Variants in CSF2 observed in about 807,000 individuals in gnomAD.
CSF2 encodes colony stimulating factor 2, also known as granulocyte-macrophage colony-stimulating factor.
A neutral mutation model predicts 13.5 loss-of-function variants in CSF2; 2 were observed. That is an observed-to-expected ratio of 0.15 (90% CI 0.06 to 0.47). The LOEUF (loss-of-function observed/expected upper bound fraction) is 0.47. Ranked by LOEUF, CSF2 falls within the 20% of genes least tolerant of loss-of-function variation. The pLI is 0.97. For missense variants in CSF2, 141 were observed against 179.7 expected, an observed-to-expected ratio of 0.78 and a Z score of 1.23; for synonymous variants, 66 against 69.2, an observed-to-expected ratio of 0.95 and a Z score of 0.23.
Position 132,075,750 on chromosome 5 carries a change from T to C in CSF2, c.333T>C (p.Thr111=). The change falls in exon 4 of 4, where the codon ACT becomes ACC. Residue 111 remains threonine (T), a synonymous_variant. Transcript: ENST00000296871. ...YKQHCPPTPE[T]SCATQIITFE... ...TTATTTTTCTTTTTTTAAAGGAAACTTCCTGTGCAACCCAGATTATCACCT... is the reference window on the plus strand; with the variant it reads ...TTATTTTTCTTTTTTTAAAGGAAACCTCCTGTGCAACCCAGATTATCACCT... 1 of 1,606,986 alleles carries C rather than the reference T, an allele frequency of 6.2e-7. No homozygotes were observed. The highest frequency in any genetic ancestry group is 2.2e-5 in the East Asian group (1 of 44,868).
At chr5:132,075,000 G>T in intron 3 of CSF2, 65 bp downstream of exon 3, 1 of 1,610,216 alleles carries the variant, frequency 6.2e-7, no homozygotes. Context: ...TCGACATGGG[G>T]AGAGATCTAT....
In CSF2 at chr5:132,073,980, A is replaced by G. The variant is rs746958091; in HGVS notation, c.157A>G (p.Met53Val). Residue 53 changes from methionine (M) to valine (V), a missense_variant and splice_region_variant, in exon 1 of 4, where the codon ATG becomes GTG. Transcript: ENST00000296871. ...LNLSRDTAAE[M>V]NETVEVISEM... The stretch of plus-strand genomic sequence containing the variant: ...CCTGAGTAGAGACACTGCTGCTGAG[A>G]TGGTAAGTGAGAGAATGTGGGCCTG... The G allele has an allele frequency of 7.4e-6, 12 of 1,613,574 alleles. No homozygotes were observed. The highest frequency in any genetic ancestry group is 9.3e-6 in the Non-Finnish European group (11 of 1,180,028).
chr5:132,074,021 G>A (rs550408367), intron 1 of CSF2, 39 bp downstream of exon 1: 3 of 1,613,760 alleles, frequency 1.9e-6, no homozygotes, highest in Non-Finnish European at 2.5e-6. Context: ...AGGCCACCCA[G>A]CTGGCCCCTG....
intron 2 of CSF2, among the ~76,000 whole-genome samples, chr5:132,074,326 C>T (rs895704112): frequency 1.3e-5 from 2 of 152,170 alleles, no homozygotes; most frequent in East Asian, 1.9e-4. Context: ...ATCAGCTGAG[C>T]GGCCATGGGC....
chr5:132,074,705 C>T (rs1756678667), intron 2 of CSF2, 105 bp from the exon 3 acceptor site: 5 of 1,579,628 alleles, frequency 3.2e-6, no homozygotes, highest in Admixed American at 3.3e-5. Flanking sequence ...CCTCCCAAGC[C>T]CTACTCCTGG....
intron 3 of CSF2, among the ~76,000 whole-genome samples, 191 bp downstream of exon 3, chr5:132,075,126 G>T (rs1023331325): frequency 6.6e-6 from 1 of 152,220 alleles, no homozygotes; most frequent in East Asian, 1.9e-4. Flanking sequence ...GCCACAGAGC[G>T]CTGAAGCCCA....
chr5:132,075,118 C>T (rs1013506720), intron 3 of CSF2, among the ~76,000 whole-genome samples, 183 bp downstream of exon 3: 3 of 152,240 alleles, frequency 2.0e-5, no homozygotes, highest in Admixed American at 6.5e-5. Context: ...GAGTCAGAGC[C>T]ACAGAGCGCT....
Position 132,075,855 on chromosome 5 carries a change from C to A in CSF2, c.*3C>A. The A allele has an allele frequency of 1.2e-6, 2 of 1,602,722 alleles. No homozygotes were observed. Among genetic ancestry groups the A allele is most frequent in the Non-Finnish European group, 1.7e-6 (2 of 1,174,176 alleles). On this transcript the variant is annotated 3_prime_UTR_variant, in exon 4 of 4. Coordinates refer to ENST00000296871, the MANE Select transcript of CSF2 (RefSeq NM_000758.4). ...GCTGGGAGCCAGTCCAGGAGTGAGACCGGCCAGATGAGGCTGGCCAAGCCG... is the reference window on the plus strand; with the variant it reads ...GCTGGGAGCCAGTCCAGGAGTGAGAACGGCCAGATGAGGCTGGCCAAGCCG...
chr5:132,073,953 A>C lies in CSF2; in HGVS notation c.130A>C (p.Asn44His), dbSNP rs765354692. ...CATCCAGGAGGCCCGGCGTCTCCTG[A>C]ACCTGAGTAGAGACACTGCTGCTGA... ...NAIQEARRLL[N>H]LSRDTAAEMN... Residue 44 changes from asparagine (N) to histidine (H), a missense_variant, in exon 1 of 4, where the codon AAC becomes CAC. Transcript: ENST00000296871. 22 of 1,613,360 alleles carry C rather than the reference A, an allele frequency of 1.4e-5. No homozygotes were observed. Among genetic ancestry groups the C allele is most frequent in the Non-Finnish European group, 1.8e-5 (21 of 1,180,028 alleles).
At chr5:132,075,428 C>T (rs1756691926) in intron 3 of CSF2, among the ~76,000 whole-genome samples, 1 of 152,226 alleles carries the variant, frequency 6.6e-6, no homozygotes, top group African/African-American at 2.4e-5. Context: ...TTCTGGGTGC[C>T]CAGAGACGAC....
At chr5:132,074,705 C>CCTA in intron 2 of CSF2, 105 bp from the exon 3 acceptor site, 1 of 1,579,746 alleles carries the variant, frequency 6.3e-7, no homozygotes, top group Non-Finnish European at 8.7e-7. Flanking sequence ...CCTCCCAAGC[C>CCTA]CTACTCCTGG....
intron 3 of CSF2, 25 bp from the exon 4 acceptor site, chr5:132,075,720 G>A: frequency 6.4e-7 from 1 of 1,567,196 alleles, no homozygotes; most frequent in Non-Finnish European, 8.7e-7. Context: ...GGACTCAAGT[G>A]TTTTTTATTT....
chr5:132,074,677 C>A, intron 2 of CSF2, 133 bp from the exon 3 acceptor site: 1 of 1,426,520 alleles, frequency 7.0e-7, no homozygotes, highest in Non-Finnish European at 9.9e-7. Flanking sequence ...GGGTCTATGA[C>A]TGGACCCAGC....
rs2069630 is a variant in CSF2, at chr5:132,075,879, C to T, written c.*27C>T. On this transcript the variant is annotated 3_prime_UTR_variant, in exon 4 of 4. Coordinates refer to ENST00000296871, the MANE Select transcript of CSF2 (RefSeq NM_000758.4). ...ACCGGCCAGATGAGGCTGGCCAAGC[C>T]GGGGAGCTGCTCTCTCATGAAACAA... The T allele has an allele frequency of 2.9e-5, 44 of 1,510,364 alleles. No individual in the cohort carries two copies. Among genetic ancestry groups the T allele is most frequent in the Middle Eastern group, 3.4e-4 (2 of 5,830 alleles). The allele number at this position is 1,510,364 out of a possible 1,614,324, so 93.6% of individuals were successfully genotyped here. A position where few individuals can be genotyped will look rare whatever the true frequency, so the allele number is the denominator to read the frequency against.
rs1756699372 is a variant in CSF2 at position 132,075,920 on chromosome 5, G to A, written c.*68G>A. ...CATGAAACAAGAGCTAGAAACTCAG[G>A]ATGGTCATCTTGGAGGGACCAAGGG... On this transcript the variant is annotated 3_prime_UTR_variant, in exon 4 of 4. Transcript: ENST00000296871. 2 of 1,318,596 alleles carry A rather than the reference G, an allele frequency of 1.5e-6. No individual in the cohort carries two copies. Among genetic ancestry groups the A allele is most frequent in the African/African-American group, 2.9e-5 (2 of 69,194 alleles). 81.7% of individuals were successfully genotyped at this position (1,318,596 alleles called of 1,614,324 possible). A position where few individuals can be genotyped will look rare whatever the true frequency, so the allele number is the denominator to read the frequency against.
intron 2 of CSF2, among the ~76,000 whole-genome samples, chr5:132,074,522 C>G (rs1483560894): frequency 2.0e-5 from 3 of 152,174 alleles, no homozygotes; most frequent in Non-Finnish European, 2.9e-5. Context: ...CCAGCAGGTC[C>G]AGGTGAGGCC....
At chr5:132,074,501 C>T (rs1756674809) in intron 2 of CSF2, among the ~76,000 whole-genome samples, 1 of 152,108 alleles carries the variant, frequency 6.6e-6, no homozygotes, top group Non-Finnish European at 1.5e-5. Context: ...TCAGGAACAA[C>T]CCTTGCCCAC....
In CSF2 at chr5:132,073,999, G is replaced by A. The variant is rs375972077; in HGVS notation, c.159+17G>A. ...GCTGAGATGGTAAGTGAGAGAATGT[G>A]GGCCTGTGCCTAGGCCACCCAGCTG... is the stretch of plus-strand genomic sequence containing the variant. On this transcript the variant is annotated intron_variant, in intron 1 of 3. Transcript: ENST00000296871. 168 of 1,613,562 alleles carry A rather than the reference G, an allele frequency of 1.0e-4. 1 individual carries two copies. The highest frequency in any genetic ancestry group is 1.4e-4 in the Non-Finnish European group (163 of 1,180,048).
At chr5:132,075,042 C>G in intron 3 of CSF2, 107 bp downstream of exon 3, 1 of 1,537,676 alleles carries the variant, frequency 6.5e-7, no homozygotes. Flanking sequence ...CAGGGGGTTT[C>G]TGTGCCAACA....
Sources: gnomAD v4.1 joint callset for allele counts (sites outside exome capture counted in the v4.1 genomes callset) on GRCh38, gnomAD v4.1.1 for gene constraint, MANE v1.5 for transcripts, NCBI Gene and HGNC (gene_info 2026-07-23, HGNC 2026-07-21) for gene names.